RGS6: variants seen among roughly 807,000 people sequenced by gnomAD.
RGS6 encodes regulator of G protein signaling 6, also known as regulator of G-protein signaling 6.
In RGS6, 30 loss-of-function variants were observed where a neutral mutation model predicts 78.5. The ratio of observed to expected loss-of-function variants is 0.38; its 90% CI spans 0.29 to 0.52. The LOEUF (loss-of-function observed/expected upper bound fraction) is 0.52. Ranked by LOEUF, RGS6 falls within the 20% of genes least tolerant of loss-of-function variation. The pLI is 0.85. For missense variants in RGS6, 495 were observed against 609.7 expected (o/e 0.81, Z 1.98); for synonymous variants, 206 against 206.0 (o/e 1.00, Z 0.00).
At chr14:72,510,815 A>ACGAC (rs2096869120) in intron 14 of RGS6, among the ~76,000 whole-genome samples, 6 of 152,338 alleles carry the variant, frequency 3.9e-5, no homozygotes, top group Admixed American at 1.3e-4. Flanking sequence ...TTCTTTTAGA[A>ACGAC]TGACTTCTGT....
chr14:72,465,598 ATGGT>A (rs1566914053), intron 6 of RGS6, among the ~76,000 whole-genome samples, 156 bp from the exon 7 acceptor site: 32 of 117,042 alleles, frequency 2.7e-4, no homozygotes, highest in East Asian at 7.3e-4. Context: ...GGATGGATGG[ATGGT>A]TGGGTGGATG....
In RGS6 at chr14:72,015,717, T is replaced by TC. The variant is rs112145913; in HGVS notation, c.84+50845dup. On this transcript the variant is annotated intron_variant, in intron 2 of 17. Coordinates refer to ENST00000553525, the MANE Select transcript of RGS6 (RefSeq NM_001204424.2). ...TGTAATTATGCTTCCATTGGTGGTT[T>TC]CCCATATCCTCTTAGTTATCAGATT... Among the ~76,000 whole-genome samples, 558 of 152,360 alleles carry TC rather than the reference T, an allele frequency of 3.7e-3. 5 individuals are homozygous for TC. Among genetic ancestry groups the TC allele is most frequent in the African/African-American group, 0.012 (484 of 41,582 alleles).
At chr14:72,031,871 C>T (rs986295955) in intron 2 of RGS6, among the ~76,000 whole-genome samples, 2 of 152,150 alleles carry the variant, frequency 1.3e-5, no homozygotes, top group Non-Finnish European at 2.9e-5. Context: ...GGATAATACT[C>T]CAATAAATGC....
At chr14:72,228,812 A>G (rs1240895615) in intron 2 of RGS6, among the ~76,000 whole-genome samples, 1 of 152,170 alleles carries the variant, frequency 6.6e-6, no homozygotes, top group African/African-American at 2.4e-5. Context: ...TTGGGAGGCC[A>G]AGGCAGCCAG....
intron 2 of RGS6, among the ~76,000 whole-genome samples, chr14:72,185,664 G>A (rs1446626415): frequency 6.6e-6 from 1 of 152,332 alleles, no homozygotes; most frequent in South Asian, 2.1e-4. Context: ...AAAATTACCA[G>A]CCAAGTGCTG....
the RGS6 span, among the ~76,000 whole-genome samples, chr14:72,615,703 C>A: frequency 1.3e-5 from 2 of 152,228 alleles, no homozygotes; most frequent in South Asian, 4.1e-4. Flanking sequence ...GGGACAGGAG[C>A]AGGGGAGCCT....
chr14:72,429,899 T>A (rs1161466624), intron 3 of RGS6, among the ~76,000 whole-genome samples: 1 of 152,208 alleles, frequency 6.6e-6, no homozygotes, highest in Non-Finnish European at 1.5e-5. Context: ...TGAGATCTGA[T>A]GGTTTTACAA....
intron 3 of RGS6, among the ~76,000 whole-genome samples, chr14:72,444,227 C>T (rs1288588850): frequency 6.6e-6 from 1 of 152,192 alleles, no homozygotes; most frequent in African/African-American, 2.4e-5. Flanking sequence ...ATTTCAGACA[C>T]CTCGCCACAG....
chr14:72,372,505 G>T (rs1345209654), intron 3 of RGS6, among the ~76,000 whole-genome samples: 1 of 152,270 alleles, frequency 6.6e-6, no homozygotes, highest in East Asian at 1.9e-4. Context: ...ATTAATGGCA[G>T]AAACATTTGA....
the RGS6 span, among the ~76,000 whole-genome samples, chr14:72,577,355 A>C: frequency 6.6e-6 from 1 of 152,366 alleles, no homozygotes; most frequent in Admixed American, 6.5e-5. Flanking sequence ...GCAAAGAAGA[A>C]ACAGAGCATT....
chr14:72,147,947 T>A (rs539587462), intron 2 of RGS6, among the ~76,000 whole-genome samples: 1 of 151,954 alleles, frequency 6.6e-6, no homozygotes, highest in Non-Finnish European at 1.5e-5. Flanking sequence ...CTGGCTAACA[T>A]GGTGAAACCC....
At chr14:72,532,356 C>G (rs1324053005) in intron 15 of RGS6, among the ~76,000 whole-genome samples, 1 of 152,188 alleles carries the variant, frequency 6.6e-6, no homozygotes, top group Non-Finnish European at 1.5e-5. Context: ...TCTGACTCCT[C>G]TACCAAATCA....
At chr14:72,257,855 G>C (rs1434627583) in intron 2 of RGS6, among the ~76,000 whole-genome samples, 1 of 152,150 alleles carries the variant, frequency 6.6e-6, no homozygotes, top group Non-Finnish European at 1.5e-5. Context: ...GTTCCATGAA[G>C]TCAATGGAAA....
intron 2 of RGS6, among the ~76,000 whole-genome samples, chr14:71,992,481 C>T (rs2095002842): frequency 6.6e-6 from 1 of 152,194 alleles, no homozygotes; most frequent in Non-Finnish European, 1.5e-5. Flanking sequence ...CTGACTTACA[C>T]CTGCCCACAG....
In RGS6 at chr14:72,541,708, C is replaced by A. The variant is rs376276226; in HGVS notation, c.1422+1614C>A. On this transcript the variant is annotated intron_variant, in intron 17 of 17. Coordinates refer to ENST00000553525, the MANE Select transcript of RGS6 (RefSeq NM_001204424.2). ...GATGGTTAGGGATTTTGCTGACAAG[C>A]CAAGGGTGCCTGTGTAAGCAGAGCC... 1,389 of 1,390,454 alleles carry A rather than the reference C, an allele frequency of 1.0e-3. 20 individuals carry two copies. The South Asian group carries it at 0.018, about 18-fold the overall frequency. 86.1% of individuals were successfully genotyped at this position (1,390,454 alleles called of 1,614,324 possible).
intron 2 of RGS6, among the ~76,000 whole-genome samples, chr14:72,059,789 T>C (rs922347129): frequency 6.6e-6 from 1 of 152,070 alleles, no homozygotes; most frequent in Admixed American, 6.5e-5. Flanking sequence ...GAAAAGGTCA[T>C]GTAAGGACTC....
chr14:72,557,288 G>A (rs185588158), intron 17 of RGS6, among the ~76,000 whole-genome samples: 35 of 152,338 alleles, frequency 2.3e-4, no homozygotes, highest in East Asian at 7.7e-4. Flanking sequence ...CCCTGCCAGC[G>A]TTTCTCCGAC....
chr14:72,599,393 C>CTTTTGTTTTTTTTTT, the RGS6 span, among the ~76,000 whole-genome samples: 2 of 78,226 alleles, frequency 2.6e-5, 1 homozygote, highest in African/African-American at 1.1e-4. Flanking sequence ...CTTTTCTTTC[C>CTTTTGTTTTTTTTTT]TTTTTTTTTT....
chr14:72,297,541 C>A (rs946302993), intron 2 of RGS6, among the ~76,000 whole-genome samples: 3 of 149,740 alleles, frequency 2.0e-5, no homozygotes, highest in African/African-American at 4.9e-5. Flanking sequence ...GTCATCTAGC[C>A]TTAGGTATAT....
Sources: gnomAD v4.1 joint callset for allele counts (sites outside exome capture counted in the v4.1 genomes callset) on GRCh38, gnomAD v4.1.1 for gene constraint, MANE v1.5 for transcripts, NCBI Gene and HGNC (gene_info 2026-07-23, HGNC 2026-07-21) for gene names.